The following ESRRG variants were observed in gnomAD, a reference collection of about 807,000 sequenced individuals.
ESRRG encodes estrogen related receptor gamma, also known as estrogen-related receptor gamma.
ESRRG carries 13 observed loss-of-function variants against 44.0 expected under a neutral mutation model. That is an observed-to-expected ratio of 0.30 (90% CI 0.19 to 0.47). ESRRG has a LOEUF of 0.47. ESRRG is among the 20% of genes least tolerant of loss of function. ESRRG has a pLI of 1.00. For synonymous variants in ESRRG, 215 were observed against 214.6 expected (o/e 1.00, Z -0.02); for missense variants, 395 against 580.6 (o/e 0.68, Z 3.29).
chr1:217,078,538 G>T (rs936953612), intron 1 of ESRRG, among the ~76,000 whole-genome samples: 1 of 152,190 alleles, frequency 6.6e-6, no homozygotes, highest in Non-Finnish European at 1.5e-5. Flanking sequence ...AATGTGGAAA[G>T]TATCTCCCCA....
chr1:216,838,121 C>T (rs534092033), intron 2 of ESRRG, among the ~76,000 whole-genome samples: 2 of 152,272 alleles, frequency 1.3e-5, no homozygotes, highest in South Asian at 4.1e-4. Context: ...ATTCCATCTG[C>T]ACTCAGCTGG....
intron 2 of ESRRG, among the ~76,000 whole-genome samples, chr1:216,800,982 C>A (rs576902798): frequency 6.6e-6 from 1 of 151,960 alleles, no homozygotes. Context: ...CACACCAATT[C>A]TTTTTTTAAT....
At chr1:216,666,945 A>G (rs2074065368) in intron 2 of ESRRG, among the ~76,000 whole-genome samples, 1 of 152,220 alleles carries the variant, frequency 6.6e-6, no homozygotes, top group African/African-American at 2.4e-5. Flanking sequence ...CCCCCCAAAA[A>G]AAATCAGTGG....
chr1:216,589,638 G>A (rs543687466), intron 3 of ESRRG, among the ~76,000 whole-genome samples: 3 of 151,962 alleles, frequency 2.0e-5, no homozygotes, highest in Non-Finnish European at 2.9e-5. Context: ...CCATTAAGAA[G>A]TGATATTCAA....
At chr1:216,686,648 C>G (rs914775518) in intron 1 of ESRRG, among the ~76,000 whole-genome samples, 4 of 151,840 alleles carry the variant, frequency 2.6e-5, no homozygotes, top group Non-Finnish European at 5.9e-5. Context: ...AAGACTATAC[C>G]AGGGTTTCTG....
intron 3 of ESRRG, among the ~76,000 whole-genome samples, chr1:216,589,500 A>G (rs2149968350): frequency 6.6e-6 from 1 of 152,338 alleles, no homozygotes; most frequent in African/African-American, 2.4e-5. Flanking sequence ...GAATGAAAAG[A>G]CAAGGATTAA....
intron 1 of ESRRG, among the ~76,000 whole-genome samples, chr1:216,702,100 T>C (rs558862896): frequency 2.0e-5 from 3 of 152,332 alleles, no homozygotes; most frequent in Admixed American, 2.0e-4. Flanking sequence ...TTATCGCTAA[T>C]TAATTTTCTT....
chr1:216,904,208 C>T (rs1560050942), intron 2 of ESRRG, among the ~76,000 whole-genome samples: 1 of 151,406 alleles, frequency 6.6e-6, no homozygotes, highest in African/African-American at 2.4e-5. Flanking sequence ...ATCATCACCC[C>T]CCCCAACTGA....
At chr1:216,577,994 A>G (rs935741157) in intron 3 of ESRRG, among the ~76,000 whole-genome samples, 11 of 152,094 alleles carry the variant, frequency 7.2e-5, no homozygotes. Flanking sequence ...AGACTGGAGC[A>G]GAAATCCTGA....
intron 2 of ESRRG, among the ~76,000 whole-genome samples, chr1:216,852,680 C>T (rs2095859838): frequency 6.6e-6 from 1 of 152,140 alleles, no homozygotes; most frequent in African/African-American, 2.4e-5. Flanking sequence ...GCTCAATAAT[C>T]ATAGAAGTTT....
At chr1:216,986,097 T>C (rs2074815503) in intron 1 of ESRRG, among the ~76,000 whole-genome samples, 2 of 151,988 alleles carry the variant, frequency 1.3e-5, no homozygotes, top group Admixed American at 1.3e-4. Flanking sequence ...GCAAGATATT[T>C]TAACCACAGT....
intron 2 of ESRRG, among the ~76,000 whole-genome samples, chr1:216,916,519 G>C (rs1405654438): frequency 2.6e-5 from 4 of 152,214 alleles, no homozygotes; most frequent in Non-Finnish European, 5.9e-5. Flanking sequence ...TGAGGAATGA[G>C]AATTTGGGGA....
intron 3 of ESRRG, among the ~76,000 whole-genome samples, chr1:216,642,517 T>C (rs2066657901): frequency 6.6e-6 from 1 of 152,106 alleles, no homozygotes; most frequent in African/African-American, 2.4e-5. Flanking sequence ...ACAGAGAAGG[T>C]GCTCTTCGCT....
At chr1:216,863,049 T>C (rs1460723175) in intron 2 of ESRRG, 2 of 152,090 alleles carry the variant, frequency 1.3e-5, no homozygotes, top group Non-Finnish European at 2.9e-5. Context: ...ACAAAATACA[T>C]GAAAAAAAGT....
chr1:216,528,394 T>C (rs918818845), intron 5 of ESRRG, among the ~76,000 whole-genome samples: 2 of 152,198 alleles, frequency 1.3e-5, no homozygotes, highest in African/African-American at 4.8e-5. Context: ...TCTCTTATAT[T>C]TATAAGTAAC....
intron 3 of ESRRG, among the ~76,000 whole-genome samples, chr1:216,598,625 T>A (rs1411516760): frequency 6.6e-6 from 1 of 152,170 alleles, no homozygotes. Flanking sequence ...GGGAAGGGTA[T>A]TTTGCTCACC....
intron 1 of ESRRG, among the ~76,000 whole-genome samples, chr1:217,124,612 AATAC>A (rs2092865026): frequency 6.6e-6 from 1 of 152,214 alleles, no homozygotes. Flanking sequence ...CCATCAGATG[AATAC>A]ACCACTCTTG....
intron 3 of ESRRG, among the ~76,000 whole-genome samples, chr1:216,623,409 C>T (rs1205527554): frequency 2.0e-5 from 3 of 152,124 alleles, no homozygotes; most frequent in Non-Finnish European, 2.9e-5. Context: ...ATAGGTTATA[C>T]CATTTTTATC....
intron 3 of ESRRG, among the ~76,000 whole-genome samples, chr1:216,642,105 A>C (rs1574613491): frequency 6.6e-6 from 1 of 152,186 alleles, no homozygotes; most frequent in East Asian, 1.9e-4. Flanking sequence ...GAATAACTAC[A>C]TTAAATAAAT....
Sources: allele counts gnomAD v4.1 joint callset (sites outside exome capture counted in the v4.1 genomes callset), GRCh38; gene constraint gnomAD v4.1.1; transcripts MANE v1.5; gene names NCBI Gene and HGNC (gene_info 2026-07-23, HGNC 2026-07-21).